The following SEMA6D variants were observed in gnomAD, a reference collection of about 807,000 sequenced individuals.
The protein encoded by SEMA6D is semaphorin 6D.
In SEMA6D, 35 loss-of-function variants were observed where a neutral mutation model predicts 106.6. The observed-to-expected ratio is 0.33, with a 90% CI of 0.25 to 0.44. The LOEUF (loss-of-function observed/expected upper bound fraction) is 0.44, where lower values mean the gene tolerates loss of function less well. Ranked by LOEUF, SEMA6D falls within the 20% of genes least tolerant of loss-of-function variation. The pLI, the probability that SEMA6D is intolerant of heterozygous loss-of-function variation, is 1.00. For synonymous variants in SEMA6D, 499 were observed against 487.7 expected, an observed-to-expected ratio of 1.02 and a Z score of -0.31; for missense variants, 1,185 against 1,345.9, an observed-to-expected ratio of 0.88 and a Z score of 1.87.
At chr15:47,551,396 A>G (rs1043382598) in intron 3 of SEMA6D, among the ~76,000 whole-genome samples, 2 of 152,174 alleles carry the variant, frequency 1.3e-5, no homozygotes, top group Non-Finnish European at 2.9e-5. Context: ...CTTAGAGACA[A>G]TTAGACTATG....
chr15:47,386,936 T>G (rs1430738737), intron 1 of SEMA6D, among the ~76,000 whole-genome samples: 1 of 152,226 alleles, frequency 6.6e-6, no homozygotes, highest in African/African-American at 2.4e-5. Flanking sequence ...CAATGAAGGA[T>G]GCAGTGGCAA....
chr15:47,446,716 G>A (rs7162110), intron 2 of SEMA6D, among the ~76,000 whole-genome samples: 39,274 of 151,964 alleles, frequency 0.26, 5,204 homozygotes, highest in South Asian at 0.38. Flanking sequence ...TTCCGAAAGG[G>A]AAAGAAACAA....
At chr15:47,243,602 C>G (rs1287514762) in intron 1 of SEMA6D, among the ~76,000 whole-genome samples, 4 of 151,892 alleles carry the variant, frequency 2.6e-5, no homozygotes, top group Non-Finnish European at 5.9e-5. Flanking sequence ...TAAGACATAC[C>G]AGGAAATAAG....
intron 1 of SEMA6D, among the ~76,000 whole-genome samples, chr15:47,228,382 A>G (rs2141518278): frequency 6.6e-6 from 1 of 151,984 alleles, no homozygotes; most frequent in South Asian, 2.1e-4. Context: ...ATCTATGAGG[A>G]CTTAATAAAC....
At chr15:47,549,751 CACTT>C (rs2045626753) in intron 3 of SEMA6D, among the ~76,000 whole-genome samples, 1 of 152,180 alleles carries the variant, frequency 6.6e-6, no homozygotes, top group South Asian at 2.1e-4. Context: ...TGATTATAAA[CACTT>C]AAGGTATTGA....
chr15:47,755,543 C>A (rs2147487921), intron 1 of SEMA6D, among the ~76,000 whole-genome samples: 1 of 152,234 alleles, frequency 6.6e-6, no homozygotes, highest in Non-Finnish European at 1.5e-5. Context: ...CTTATCTTTT[C>A]TGGCAAGCAG....
At chr15:47,265,954 G>A (rs1428982529) in intron 1 of SEMA6D, among the ~76,000 whole-genome samples, 2 of 152,036 alleles carry the variant, frequency 1.3e-5, no homozygotes, top group African/African-American at 2.4e-5. Context: ...TCTTAAACAC[G>A]CTTAGTCTTG....
intron 3 of SEMA6D, among the ~76,000 whole-genome samples, chr15:47,597,392 T>C (rs2076558656): frequency 6.6e-6 from 1 of 152,086 alleles, no homozygotes; most frequent in Non-Finnish European, 1.5e-5. Flanking sequence ...TTAAAATTAG[T>C]ATTATGAAGA....
intron 1 of SEMA6D, among the ~76,000 whole-genome samples, chr15:47,279,738 G>A (rs1308863194): frequency 1.3e-5 from 2 of 151,922 alleles, no homozygotes; most frequent in African/African-American, 2.4e-5. Flanking sequence ...TAGCATGAAG[G>A]GTTGTTGAAT....
At chr15:47,424,300 G>C (rs2041262750) in intron 2 of SEMA6D, among the ~76,000 whole-genome samples, 9 of 151,340 alleles carry the variant, frequency 5.9e-5, no homozygotes, top group Admixed American at 5.9e-4. Context: ...GAGAAGGATT[G>C]AGAATATATA....
At chr15:47,349,111 C>T (rs1199400446) in intron 1 of SEMA6D, among the ~76,000 whole-genome samples, 1 of 129,768 alleles carries the variant, frequency 7.7e-6, no homozygotes, top group Admixed American at 7.6e-5. Context: ...ATGAGGCTTA[C>T]CTTTTTTTTT....
At chr15:47,661,187 A>G (rs1237340507) in intron 4 of SEMA6D, among the ~76,000 whole-genome samples, 1 of 152,188 alleles carries the variant, frequency 6.6e-6, no homozygotes, top group African/African-American at 2.4e-5. Context: ...TTCCCTGGGG[A>G]AACTGTTTCC....
chr15:47,245,926 TAAA>T (rs1023462314), intron 1 of SEMA6D, among the ~76,000 whole-genome samples: 1 of 152,004 alleles, frequency 6.6e-6, no homozygotes, highest in Admixed American at 6.6e-5. Flanking sequence ...ATCACAGAAT[TAAA>T]AAAATCATAA....
chr15:47,544,716 G>T (rs1489695577), intron 3 of SEMA6D, among the ~76,000 whole-genome samples: 1 of 151,548 alleles, frequency 6.6e-6, no homozygotes, highest in Non-Finnish European at 1.5e-5. Flanking sequence ...AGAATGGGTT[G>T]CTCCCATGTG....
At chr15:47,341,598 A>C (rs2037814406) in intron 1 of SEMA6D, among the ~76,000 whole-genome samples, 1 of 152,088 alleles carries the variant, frequency 6.6e-6, no homozygotes, top group African/African-American at 2.4e-5. Flanking sequence ...TCTGTCTCTA[A>C]ATTTTTCTGA....
chr15:47,688,434 C>A (rs1050446484), intron 4 of SEMA6D, among the ~76,000 whole-genome samples: 1 of 152,104 alleles, frequency 6.6e-6, no homozygotes, highest in Non-Finnish European at 1.5e-5. Context: ...AAAGGACAAT[C>A]ATAATAGAAG....
intron 1 of SEMA6D, among the ~76,000 whole-genome samples, chr15:47,246,585 T>C (rs2033216095): frequency 1.3e-5 from 2 of 152,178 alleles, no homozygotes; most frequent in Non-Finnish European, 2.9e-5. Flanking sequence ...GGCCCTTTCC[T>C]CCATCTTCGT....
At chr15:47,527,395 A>G (rs2044797436) in intron 3 of SEMA6D, among the ~76,000 whole-genome samples, 1 of 152,230 alleles carries the variant, frequency 6.6e-6, no homozygotes, top group African/African-American at 2.4e-5. Flanking sequence ...AATGCCAAAA[A>G]AATTTCTATG....
At chr15:47,627,307 A>G (rs1373405194) in intron 4 of SEMA6D, among the ~76,000 whole-genome samples, 1 of 152,158 alleles carries the variant, frequency 6.6e-6, no homozygotes, top group Non-Finnish European at 1.5e-5. Flanking sequence ...TAGATCTTAA[A>G]GGAACACCAG....
Sources: gnomAD v4.1 joint callset for allele counts (sites outside exome capture counted in the v4.1 genomes callset) on GRCh38, gnomAD v4.1.1 for gene constraint, MANE v1.5 for transcripts, NCBI Gene and HGNC (gene_info 2026-07-23, HGNC 2026-07-21) for gene names.